CDH13: variants seen among roughly 807,000 people sequenced by gnomAD.
CDH13 encodes cadherin 13.
Under a neutral mutation model 63.8 loss-of-function variants are expected in CDH13, and 24 were observed. The observed-to-expected ratio is 0.38, with a 90% confidence interval of 0.27 to 0.53. CDH13 has a LOEUF of 0.53. Among genes scored for constraint, CDH13 ranks in the 20% least tolerant of loss-of-function variants. The probability of loss-of-function intolerance (pLI) is 0.85; values close to 1 mark genes in which losing one functional copy is unlikely to be tolerated. For synonymous variants in CDH13, 503 were observed against 355.3 expected (o/e 1.42, Z -4.67); for missense variants, 1,049 against 903.1 (o/e 1.16, Z -2.07).
At chr16:83,490,676 A>G (rs569732388) in intron 7 of CDH13, among the ~76,000 whole-genome samples, 2 of 152,316 alleles carry the variant, frequency 1.3e-5, no homozygotes, top group Admixed American at 6.5e-5. Flanking sequence ...CACATGAGAG[A>G]TGCTCAAAGA....
chr16:83,590,977 C>A (rs1434516938), intron 7 of CDH13, among the ~76,000 whole-genome samples: 1 of 132,818 alleles, frequency 7.5e-6, no homozygotes, highest in African/African-American at 2.9e-5. Flanking sequence ...GTGGCGTGAT[C>A]TTAGCACACC....
intron 5 of CDH13, among the ~76,000 whole-genome samples, chr16:83,233,077 C>A (rs983233838): frequency 6.6e-6 from 1 of 152,132 alleles, no homozygotes; most frequent in Non-Finnish European, 1.5e-5. Context: ...GCAGGGCCAG[C>A]TTTAGGTCCC....
intron 2 of CDH13, among the ~76,000 whole-genome samples, chr16:82,907,784 C>T (rs1161857680): frequency 1.3e-5 from 2 of 152,166 alleles, no homozygotes; most frequent in Admixed American, 6.5e-5. Context: ...CAGCGCTGTG[C>T]AGGGCCTCCA....
intron 1 of CDH13, among the ~76,000 whole-genome samples, chr16:82,718,595 G>C (rs2032547718): frequency 1.3e-5 from 2 of 152,140 alleles, no homozygotes; most frequent in Admixed American, 1.3e-4. Flanking sequence ...TCTAAGACTG[G>C]GCAATTTACA....
intron 3 of CDH13, among the ~76,000 whole-genome samples, chr16:83,058,428 G>C (rs4238724): frequency 6.6e-6 from 1 of 151,996 alleles, no homozygotes; most frequent in African/African-American, 2.4e-5. Flanking sequence ...CAACATGGGG[G>C]TACCAAATAA....
intron 2 of CDH13, among the ~76,000 whole-genome samples, chr16:82,987,884 G>T (rs935651108): frequency 1.3e-5 from 2 of 152,190 alleles, no homozygotes; most frequent in African/African-American, 4.8e-5. Context: ...ATTTGGAAAG[G>T]TAACCTGGAT....
chr16:83,196,872 C>G (rs1292952011), intron 4 of CDH13, among the ~76,000 whole-genome samples: 1 of 152,156 alleles, frequency 6.6e-6, no homozygotes, highest in Non-Finnish European at 1.5e-5. Context: ...AGTCAAGAAA[C>G]GAGTTTGGCA....
intron 6 of CDH13, among the ~76,000 whole-genome samples, chr16:83,445,436 T>G (rs1270592070): frequency 6.6e-6 from 1 of 152,198 alleles, no homozygotes; most frequent in Non-Finnish European, 1.5e-5. Context: ...GTGTTCACAC[T>G]TGGCCTCAAT....
rs76995608 is a variant in CDH13 at position 83,701,550 on chromosome 16, A to G, written c.1538+23089A>G. Among the ~76,000 whole-genome samples the G allele has an allele frequency of 9.0e-3, 1,363 of 152,230 alleles. 55 individuals are homozygous for G. The highest frequency in any genetic ancestry group is 0.066 in the Admixed American group (1,003 of 15,266). On this transcript the variant is annotated intron_variant, in intron 10 of 13. Transcript: ENST00000567109. The stretch of plus-strand genomic sequence containing the variant: ...TGAAGCTATATCTGTTTGAGCTACA[A>G]CTAAAACCCTGGAGTCTCTGCATGC...
chr16:82,670,779 A>C (rs1319657198), intron 1 of CDH13, among the ~76,000 whole-genome samples: 1 of 152,208 alleles, frequency 6.6e-6, no homozygotes, highest in African/African-American at 2.4e-5. Context: ...AATTCAGTAA[A>C]AGTTGGAATT....
intron 5 of CDH13, among the ~76,000 whole-genome samples, chr16:83,344,351 C>T (rs1189644167): frequency 6.6e-6 from 1 of 152,208 alleles, no homozygotes; most frequent in African/African-American, 2.4e-5. Flanking sequence ...ATCCCGAGGT[C>T]TCATTCAGGC....
At chr16:82,662,766 A>G (rs1230375522) in intron 1 of CDH13, among the ~76,000 whole-genome samples, 1 of 152,192 alleles carries the variant, frequency 6.6e-6, no homozygotes, top group Non-Finnish European at 1.5e-5. Flanking sequence ...GAGAGGCTTA[A>G]ACAACCACCA....
chr16:83,045,358 G>C (rs1214938715), intron 3 of CDH13, among the ~76,000 whole-genome samples: 5 of 152,086 alleles, frequency 3.3e-5, no homozygotes, highest in South Asian at 2.1e-4. Flanking sequence ...AGATGGGTTG[G>C]CTGGGGGCGA....
At position 83,185,091 on chromosome 16, in the gene CDH13, C is replaced by T. The variant is rs967781863; in HGVS notation, c.484-32254C>T. Among the ~76,000 whole-genome samples, 5 of 152,172 alleles carry T rather than the reference C, an allele frequency of 3.3e-5. No homozygotes were observed. In the East Asian group the frequency reaches 9.7e-4, roughly 29 times the overall value. ...GGTAAGGCCGATACTACTACTATCC[C>T]TATTTTATATATAAAGAAACTGAGG... is the stretch of plus-strand genomic sequence containing the variant. On this transcript the variant is annotated intron_variant, in intron 4 of 13. Coordinates refer to ENST00000567109, the MANE Select transcript of CDH13 (RefSeq NM_001257.5).
At chr16:83,132,521 C>T (rs1198200292) in intron 4 of CDH13, among the ~76,000 whole-genome samples, 2 of 138,738 alleles carry the variant, frequency 1.4e-5, no homozygotes, top group South Asian at 2.4e-4. Context: ...AATCTCTGCT[C>T]ACTGCAACGT....
chr16:82,893,189 A>G (rs2041142256), intron 2 of CDH13, among the ~76,000 whole-genome samples: 1 of 152,260 alleles, frequency 6.6e-6, no homozygotes, highest in African/African-American at 2.4e-5. Context: ...ACTAGAGCCA[A>G]TTAGATATTC....
intron 3 of CDH13, among the ~76,000 whole-genome samples, chr16:83,078,020 CTTTG>C (rs1175337439): frequency 2.6e-5 from 4 of 152,154 alleles, no homozygotes; most frequent in African/African-American, 7.2e-5. Flanking sequence ...CGTTTATTGG[CTTTG>C]TTTGTTTTTG....
chr16:83,007,113 G>A (rs989036531), intron 2 of CDH13, among the ~76,000 whole-genome samples: 1 of 151,904 alleles, frequency 6.6e-6, no homozygotes, highest in Admixed American at 6.6e-5. Flanking sequence ...GTAGAGACGG[G>A]GTTTCTCCAT....
At chr16:82,826,021 T>C (rs2038233039) in intron 1 of CDH13, 1 of 151,238 alleles carries the variant, frequency 6.6e-6, no homozygotes, top group South Asian at 2.1e-4. Flanking sequence ...ACCGAGCTAA[T>C]TTTTTGTATT....
Sources: allele counts gnomAD v4.1 joint callset (sites outside exome capture counted in the v4.1 genomes callset), GRCh38; gene constraint gnomAD v4.1.1; transcripts MANE v1.5; gene names NCBI Gene and HGNC (gene_info 2026-07-23, HGNC 2026-07-21).